The following ITFG1 variants were observed in gnomAD, a reference collection of about 807,000 sequenced individuals.
ITFG1 encodes T-cell immunomodulatory protein.
In ITFG1, 34 loss-of-function variants were observed where a neutral mutation model predicts 81.8. The ratio of observed to expected loss-of-function variants is 0.42; its 90% confidence interval spans 0.32 to 0.55. The LOEUF is 0.55. ITFG1 is among the 20% of genes least tolerant of loss of function. The pLI, the probability that ITFG1 is intolerant of heterozygous loss-of-function variation, is 0.17. For missense variants in ITFG1, 672 were observed against 755.4 expected (o/e 0.89, Z 1.29); for synonymous variants, 285 against 270.6 (o/e 1.05, Z -0.52).
intron 12 of ITFG1, among the ~76,000 whole-genome samples, chr16:47,244,523 G>A (rs1596831360): frequency 6.6e-6 from 1 of 152,046 alleles, no homozygotes; most frequent in Admixed American, 6.6e-5. Context: ...CTGTGTGAGA[G>A]TAGACGAAAC....
At chr16:47,167,792 TATACAC>T (rs1964911820) in intron 14 of ITFG1, among the ~76,000 whole-genome samples, 1 of 152,252 alleles carries the variant, frequency 6.6e-6, no homozygotes, top group Non-Finnish European at 1.5e-5. Flanking sequence ...CCATTTTATG[TATACAC>T]TTTGATTTGT....
intron 6 of ITFG1, among the ~76,000 whole-genome samples, chr16:47,380,431 C>G (rs546023468): frequency 6.6e-6 from 1 of 152,128 alleles, no homozygotes; most frequent in Admixed American, 6.5e-5. Flanking sequence ...CTGGACACTA[C>G]GCCAAAAAGT....
Position 47,396,179 on chromosome 16 carries a change from A to T in ITFG1, c.656-20239T>A, listed in dbSNP as rs1968590701. ...AGAGATAAGTCTACATTTGCCTCTG[A>T]AGAAAAGTTAATCGGCTGCAACTCA... On this transcript the variant is annotated intron_variant, in intron 6 of 17. Coordinates refer to ENST00000320640, the MANE Select transcript of ITFG1 (RefSeq NM_030790.5). 3.0e-6 allele frequency: 3 copies of T among 985,088 alleles called. No individual in the cohort carries two copies. The African/African-American group carries it at 5.2e-5, about 17-fold the overall frequency. The allele number at this position is 985,088 out of a possible 1,614,324, so 61.0% of individuals were successfully genotyped here. A position where few individuals can be genotyped will look rare whatever the true frequency, so the allele number is the denominator to read the frequency against.
chr16:47,228,726 A>G (rs566018607), intron 13 of ITFG1, among the ~76,000 whole-genome samples: 2 of 152,350 alleles, frequency 1.3e-5, no homozygotes, highest in African/African-American at 4.8e-5. Context: ...TAGAATAGGT[A>G]AAAGCCTGAG....
rs145189276 is a variant in ITFG1 at position 47,398,357 on chromosome 16, C to T, written c.656-22417G>A. Among the ~76,000 whole-genome samples, 32 of 152,284 alleles carry T rather than the reference C, an allele frequency of 2.1e-4. 1 individual carries two copies. The Middle Eastern group carries it at 0.014, about 65-fold the overall frequency. Reference sequence around the variant, plus strand: ...CCTGAAAAAGTGAGCATAAACCATACTGCTAGATTTTGGAAATATTCACTA... The same window carrying T: ...CCTGAAAAAGTGAGCATAAACCATATTGCTAGATTTTGGAAATATTCACTA... On this transcript the variant is annotated intron_variant, in intron 6 of 17. Coordinates refer to ENST00000320640, the MANE Select transcript of ITFG1 (RefSeq NM_030790.5).
chr16:47,416,511 A>G (rs1355544412), intron 6 of ITFG1, among the ~76,000 whole-genome samples: 1 of 152,104 alleles, frequency 6.6e-6, no homozygotes, highest in Non-Finnish European at 1.5e-5. Context: ...TCCAAATCTC[A>G]TGTTAAAATC....
chr16:47,357,935 C>T (rs1204319759), intron 8 of ITFG1, among the ~76,000 whole-genome samples: 2 of 152,166 alleles, frequency 1.3e-5, no homozygotes, highest in South Asian at 2.1e-4. Flanking sequence ...ATCAGAATCA[C>T]ATCTGGCATC....
chr16:47,267,107 G>C (rs1215962814), intron 10 of ITFG1, among the ~76,000 whole-genome samples: 1 of 152,178 alleles, frequency 6.6e-6, no homozygotes, highest in Non-Finnish European at 1.5e-5. Context: ...TTCTAAACTT[G>C]AAGGTGATGG....
In ITFG1 at chr16:47,218,894, G is replaced by C; in HGVS notation, c.1427C>G (p.Ala476Gly). ...GPYIMYTTVD[A>G]NGYLKNGSAG... ...TGATCCATTTTTCAGATACCCATTT[G>C]CATCTACAGTTGTATACATGATATA... The change falls in exon 14 of 18, where the codon GCA becomes GGA. Residue 476 changes from alanine to glycine, a missense_variant. This residue lies in a region of ITFG1 where 560 missense variants were observed against 625.7 expected (regional missense o/e 0.90). Transcript: ENST00000320640. 6.3e-7 allele frequency: 1 copy of C among 1,598,794 alleles called. No individual in the cohort carries two copies. The highest frequency in any genetic ancestry group is 8.5e-7 in the Non-Finnish European group (1 of 1,172,234).
intron 12 of ITFG1, among the ~76,000 whole-genome samples, chr16:47,258,348 A>T (rs1966163009): frequency 6.6e-6 from 1 of 152,258 alleles, no homozygotes; most frequent in Admixed American, 6.5e-5. Flanking sequence ...GACATGAAAA[A>T]TAAGAAAAGA....
intron 10 of ITFG1, among the ~76,000 whole-genome samples, chr16:47,293,978 A>G (rs1263661715): frequency 6.6e-6 from 1 of 152,024 alleles, no homozygotes; most frequent in East Asian, 1.9e-4. Flanking sequence ...GATTTCTTCC[A>G]GTATTTTTAT....
chr16:47,280,175 CA>C, intron 10 of ITFG1, among the ~76,000 whole-genome samples: 1 of 152,138 alleles, frequency 6.6e-6, no homozygotes. Context: ...AGAGAGAACA[CA>C]AACTTGCCTT....
intron 13 of ITFG1, among the ~76,000 whole-genome samples, chr16:47,237,199 A>G (rs1171395274): frequency 2.6e-5 from 4 of 152,214 alleles, no homozygotes; most frequent in Non-Finnish European, 4.4e-5. Context: ...TTTCCCAACT[A>G]TACATAAAAT....
intron 6 of ITFG1, among the ~76,000 whole-genome samples, chr16:47,379,972 G>A (rs2151591942): frequency 7.0e-6 from 1 of 142,516 alleles, no homozygotes; most frequent in Admixed American, 7.5e-5. Flanking sequence ...GGCAGTACAA[G>A]ACAGATACAA....
intron 10 of ITFG1, among the ~76,000 whole-genome samples, chr16:47,279,656 T>A (rs1275237927): frequency 6.6e-6 from 1 of 152,186 alleles, no homozygotes; most frequent in Non-Finnish European, 1.5e-5. Flanking sequence ...AATCAATTTG[T>A]CTGTATCTAC....
intron 8 of ITFG1, chr16:47,365,492 GTAAT>G (rs1408975606): frequency 7.0e-6 from 2 of 284,600 alleles, no homozygotes; most frequent in Non-Finnish European, 1.3e-5. Flanking sequence ...AGAATTTACG[GTAAT>G]TAATACCTGG....
chr16:47,342,879 C>T (rs1596912214), intron 8 of ITFG1, among the ~76,000 whole-genome samples: 2 of 152,182 alleles, frequency 1.3e-5, no homozygotes, highest in South Asian at 4.1e-4. Context: ...AGTCTGTATT[C>T]AGAGGTTGGA....
chr16:47,190,503 GT>G (rs1965279638), intron 14 of ITFG1, among the ~76,000 whole-genome samples: 1 of 152,180 alleles, frequency 6.6e-6, no homozygotes, highest in East Asian at 1.9e-4. Context: ...GTTCTTTCAT[GT>G]GTACCTTCTT....
At chr16:47,157,962 C>A (rs1478829310) in intron 17 of ITFG1, among the ~76,000 whole-genome samples, 3 of 152,102 alleles carry the variant, frequency 2.0e-5, no homozygotes, top group Non-Finnish European at 4.4e-5. Flanking sequence ...ACAGTGATAG[C>A]CTCTTTTTTC....
Sources: gnomAD v4.1 joint callset for allele counts (sites outside exome capture counted in the v4.1 genomes callset) on GRCh38, gnomAD v4.1.1 for gene constraint, gnomAD v4.1.1 regional missense constraint, MANE v1.5 for transcripts, NCBI Gene and HGNC (gene_info 2026-07-23, HGNC 2026-07-21) for gene names.